The following STAB1 variants were observed in gnomAD, a reference collection of about 807,000 sequenced individuals.
STAB1 encodes the protein stabilin-1.
In STAB1, 250 loss-of-function variants were observed where a neutral mutation model predicts 332.4. That is an observed-to-expected ratio of 0.75 (90% CI 0.68 to 0.84). The LOEUF is 0.84. Ranked by LOEUF, STAB1 falls within the 40% of genes least tolerant of loss-of-function variation. The pLI, the probability that STAB1 is intolerant of heterozygous loss-of-function variation, is 0.00. For missense variants in STAB1, 3,249 were observed against 3,489.7 expected, an observed-to-expected ratio of 0.93 and a Z score of 1.74; for synonymous variants, 1,475 against 1,390.4, an observed-to-expected ratio of 1.06 and a Z score of -1.35.
rs1281688553 is a variant in STAB1, at chr3:52,506,789, C to A, written c.1928C>A (p.Pro643His). The A allele has an allele frequency of 6.2e-7, 1 of 1,613,074 alleles. No individual in the cohort carries two copies. Among genetic ancestry groups the A allele is most frequent in the African/African-American group, 1.3e-5 (1 of 74,940 alleles). The change falls in exon 18 of 69, where the codon CCC (proline) becomes CAC (histidine). Residue 643 changes from proline to histidine, a missense_variant. Pro to His is a moderately conservative substitution (Grantham distance 77). Transcript: ENST00000321725. ...VIHMLDGILL[P>H]PTILPILPKH... is the part of the protein sequence containing the mutation. The stretch of plus-strand genomic sequence containing the variant: ...CACATGCTGGACGGCATCCTGCTGC[C>A]CCCGACCATCCTGCCCATCCTGCCC...
chr3:52,519,791 T>G, intron 50 of STAB1, 153 bp from the exon 51 acceptor site: 3 of 1,166,370 alleles, frequency 2.6e-6, no homozygotes, highest in Non-Finnish European at 3.6e-6. Flanking sequence ...TGTGCACAGT[T>G]GAGATGTGTG....
At position 52,515,518 on chromosome 3, in the gene STAB1, A is replaced by G. The variant is rs746653206; in HGVS notation, c.3948+12A>G. ...CCAAGAAGATCCAGGTTTGCCCTGA[A>G]GCCCCCACCCCAAGCCTGTCCAGAG... is the stretch of plus-strand genomic sequence containing the variant. On this transcript the variant is annotated intron_variant, in intron 37 of 68. Coordinates refer to ENST00000321725, the MANE Select transcript of STAB1 (RefSeq NM_015136.3). 49 of 1,612,816 alleles carry G rather than the reference A, an allele frequency of 3.0e-5. No individual in the cohort carries two copies. The Admixed American group carries it at 7.8e-4, about 26-fold the overall frequency.
At chr3:52,508,935 T>C (rs866126155) in intron 21 of STAB1, among the ~76,000 whole-genome samples, 8 of 152,236 alleles carry the variant, frequency 5.3e-5, no homozygotes, top group Admixed American at 1.3e-4. Context: ...TTTACCACTT[T>C]GTAATATCAC....
chr3:52,523,035 C>T lies in STAB1; in HGVS notation c.6921C>T (p.Cys2307=). ...CTGCTTTTCCTGCAGATGTGGCCTG[C>T]CGATGCCGAAATGGCTTCGTGGGTG... is the stretch of plus-strand genomic sequence containing the variant. ...AYCFRVQDVA[C]RCRNGFVGDG... is the part of the protein sequence containing the mutation. The change falls in exon 63 of 69, where the codon TGC becomes TGT. Residue 2307 remains cysteine, a synonymous_variant. Coordinates refer to ENST00000321725, the MANE Select transcript of STAB1 (RefSeq NM_015136.3). 1.3e-6 allele frequency: 2 copies of T among 1,573,968 alleles called. No homozygotes were observed. The highest frequency in any genetic ancestry group is 1.2e-5 in the South Asian group (1 of 84,176).
Position 52,510,463 on chromosome 3 carries a change from G to A in STAB1, c.2743G>A (p.Gly915Ser), listed in dbSNP as rs866149860. The part of the protein sequence containing the change: ...IDECELDMRG[G>S]CHTDALCSYV... ...CGAGTGTGAGCTGGACATGAGAGGT[G>A]GCTGCCACACCGATGCCCTCTGCAG... The change falls in exon 25 of 69, where the codon GGC (glycine) becomes AGC (serine). Residue 915 changes from glycine to serine, a missense_variant. Transcript: ENST00000321725. 1 of 1,613,590 alleles carries A rather than the reference G, an allele frequency of 6.2e-7. No homozygotes were observed. Among genetic ancestry groups the A allele is most frequent in the Middle Eastern group, 1.6e-4 (1 of 6,062 alleles).
rs777521529 is a variant in STAB1 at position 52,514,688 on chromosome 3, T to C, written c.3679-13T>C. On this transcript the variant is annotated splice_polypyrimidine_tract_variant and intron_variant, in intron 34 of 68. Transcript: ENST00000321725. ...GGTAGGTGGGTGGATTCAGCCTCCA[T>C]CCCTCTCCCCAGCCTGAGGTGAACC... 2 of 1,612,872 alleles carry C rather than the reference T, an allele frequency of 1.2e-6. No individual in the cohort carries two copies. Among genetic ancestry groups the C allele is most frequent in the South Asian group, 1.1e-5 (1 of 91,068 alleles).
chr3:52,508,851 AATAG>A (rs1553671291), intron 21 of STAB1, among the ~76,000 whole-genome samples: 11 of 81,794 alleles, frequency 1.3e-4, no homozygotes, highest in Non-Finnish European at 1.9e-4. Context: ...TAATAATAAT[AATAG>A]ATAGATAGAT....
In STAB1 at chr3:52,501,017, G is replaced by T. The variant is rs577923961; in HGVS notation, c.79-149G>T. 2.6e-6 allele frequency: 3 copies of T among 1,170,642 alleles called. No individual in the cohort carries two copies. In the South Asian group the frequency reaches 4.7e-5, roughly 18 times the overall value. The allele number at this position is 1,170,642 out of a possible 1,614,324, so 72.5% of individuals were successfully genotyped here. A position where few individuals can be genotyped will look rare whatever the true frequency, so the allele number is the denominator to read the frequency against. On this transcript the variant is annotated intron_variant, in intron 1 of 68. Transcript: ENST00000321725. ...ATTCTGTGGACCCCCAAAGAACTCA[G>T]CTCTGTGCCCAGAACCCTCTGCTTA... is the stretch of plus-strand genomic sequence containing the variant.
At position 52,504,499 on chromosome 3, in the gene STAB1, T is replaced by G; in HGVS notation, c.1189T>G (p.Phe397Val). The change falls in exon 11 of 69, where the codon TTC (phenylalanine) becomes GTC (valine). Residue 397 changes from phenylalanine to valine, a missense_variant. Phe to Val is a conservative substitution (Grantham distance 50). Coordinates refer to ENST00000321725, the MANE Select transcript of STAB1 (RefSeq NM_015136.3). ...GGAAATCCTTACCACAGCGGGCCCT[T>G]TCACCGTGCTGGTGCCATCCGTCTC... ...CREILTTAGP[F>V]TVLVPSVSSF... is the part of the protein sequence containing the mutation. The G allele has an allele frequency of 1.9e-6, 3 of 1,614,026 alleles. No homozygotes were observed. The highest frequency in any genetic ancestry group is 2.5e-6 in the Non-Finnish European group (3 of 1,180,008).
Position 52,516,914 on chromosome 3 carries a change from C to T in STAB1, c.4364-70C>T, listed in dbSNP as rs530534966. On this transcript the variant is annotated intron_variant, in intron 41 of 68. Transcript: ENST00000321725. ...CCCTCTGACCTTTTCCTTTCTCTCA[C>T]GCCCTCCTCTCCTGTCCTGCCTCCG... The T allele has an allele frequency of 2.1e-5, 34 of 1,602,392 alleles. No homozygotes were observed. In the South Asian group the frequency reaches 2.2e-4, roughly 11 times the overall value.
chr3:52,516,796 T>A, intron 41 of STAB1, 28 bp downstream of exon 41: 1 of 1,599,004 alleles, frequency 6.3e-7, no homozygotes, highest in African/African-American at 1.3e-5. Flanking sequence ...CCCAGGGCCC[T>A]CCCTGAAATT....
At chr3:52,506,314 C>T (rs752912216) in intron 17 of STAB1, 64 bp downstream of exon 17, 164 of 1,455,984 alleles carry the variant, frequency 1.1e-4, no homozygotes, top group Non-Finnish European at 1.5e-4. Flanking sequence ...CACTTGGCCT[C>T]TCAGCCTTGT....
At chr3:52,508,491 A>C in intron 21 of STAB1, 132 bp downstream of exon 21, 2 of 815,538 alleles carry the variant, frequency 2.5e-6, no homozygotes, top group Non-Finnish European at 4.1e-6. Flanking sequence ...TATGCAGTGG[A>C]AAGTTGGATC....
Position 52,505,508 on chromosome 3 carries a change from G to T in STAB1, c.1581+127G>T. Reference sequence around the variant, plus strand: ...TAGCATGGCCTCTGCCCATGCCCCCGTCCTCAAGCCTGAGGTTCTGTGGTA... The same window carrying T: ...TAGCATGGCCTCTGCCCATGCCCCCTTCCTCAAGCCTGAGGTTCTGTGGTA... On this transcript the variant is annotated intron_variant, in intron 14 of 68. Coordinates refer to ENST00000321725, the MANE Select transcript of STAB1 (RefSeq NM_015136.3). 3 of 1,215,410 alleles carry T rather than the reference G, an allele frequency of 2.5e-6. No individual in the cohort carries two copies. In the South Asian group the frequency reaches 4.3e-5, roughly 17 times the overall value. 75.3% of individuals were successfully genotyped at this position (1,215,410 alleles called of 1,614,324 possible). A position where few individuals can be genotyped will look rare whatever the true frequency, so the allele number is the denominator to read the frequency against.
chr3:52,523,112 C>T lies in STAB1; in HGVS notation c.6998C>T (p.Ala2333Val). 1 of 1,580,732 alleles carries T rather than the reference C, an allele frequency of 6.3e-7. No individual in the cohort carries two copies. Among genetic ancestry groups the T allele is most frequent in the South Asian group, 1.2e-5 (1 of 85,208 alleles). The stretch of plus-strand genomic sequence containing the variant: ...CTGCTGGATGTGCTGGCTGCCACTG[C>T]CAACTTCTCCACCTTCTATGGGGTG... ...GKLLDVLAAT[A>V]NFSTFYGMLL... The change falls in exon 63 of 69, where the codon GCC becomes GTC. Residue 2333 changes from alanine to valine, a missense_variant. By Grantham distance (64) the Ala-to-Val change is moderately conservative (BLOSUM62 0). Transcript: ENST00000321725.
rs900353537 is a variant in STAB1 at position 52,517,628 on chromosome 3, A to G, written c.4638+4A>G. 1 of 1,612,582 alleles carries G rather than the reference A, an allele frequency of 6.2e-7. No individual in the cohort carries two copies. Among genetic ancestry groups the G allele is most frequent in the Non-Finnish European group, 8.5e-7 (1 of 1,179,780 alleles). ...GCTCCTGGACCCCTGCTCTAAGGTC[A>G]GGACCCTAGTCCTGTCCTCCTTCAC... is the stretch of plus-strand genomic sequence containing the variant. On this transcript the variant is annotated splice_donor_region_variant and intron_variant, in intron 44 of 68. Transcript: ENST00000321725.
Position 52,517,871 on chromosome 3 carries a change from C to A in STAB1, c.4639-10C>A, listed in dbSNP as rs1041161841. On this transcript the variant is annotated splice_polypyrimidine_tract_variant and intron_variant, in intron 44 of 68. Transcript: ENST00000321725. ...GCCACTGATACCTTCCTCTCCTGTC[C>A]CTGACTCAGAACAATGGAGGATGCA... is the stretch of plus-strand genomic sequence containing the variant. 6.2e-7 allele frequency: 1 copy of A among 1,612,108 alleles called. No homozygotes were observed. Among genetic ancestry groups the A allele is most frequent in the African/African-American group, 1.3e-5 (1 of 74,990 alleles).
Position 52,519,353 on chromosome 3 carries a change from G to A in STAB1, c.5124G>A (p.Leu1708=). The change falls in exon 49 of 69, where the codon CTG becomes CTA. Residue 1708 remains leucine, a synonymous_variant. Transcript: ENST00000321725. ...TCCTGCACTTCATTGACCGTGTCCT[G>A]CTGCCCCCCGAGGCGCTGCACTGGG... The part of the protein sequence containing the change: ...NGILHFIDRV[L]LPPEALHWEP... 2.5e-6 allele frequency: 4 copies of A among 1,613,126 alleles called. No individual in the cohort carries two copies. Among genetic ancestry groups the A allele is most frequent in the Non-Finnish European group, 3.4e-6 (4 of 1,179,994 alleles).
At position 52,523,579 on chromosome 3, in the gene STAB1, G is replaced by A. The variant is rs2079154635; in HGVS notation, c.7290+3G>A. Reference sequence around the variant, plus strand: ...ACAACAGTTCCTGGGCCCCTGTGGTGAGTCTGGCCACTGTCCCACCCTGTT... The same window carrying A: ...ACAACAGTTCCTGGGCCCCTGTGGTAAGTCTGGCCACTGTCCCACCCTGTT... On this transcript the variant is annotated splice_donor_region_variant and intron_variant, in intron 65 of 68. Coordinates refer to ENST00000321725, the MANE Select transcript of STAB1 (RefSeq NM_015136.3). 2 of 1,612,702 alleles carry A rather than the reference G, an allele frequency of 1.2e-6. No individual in the cohort carries two copies. The highest frequency in any genetic ancestry group is 1.7e-6 in the Non-Finnish European group (2 of 1,180,000).
Sources: gnomAD v4.1 joint callset for allele counts (sites outside exome capture counted in the v4.1 genomes callset) on GRCh38, gnomAD v4.1.1 for gene constraint, MANE v1.5 for transcripts, NCBI Gene and HGNC (gene_info 2026-07-23, HGNC 2026-07-21) for gene names.